Variants in TM6SF2 observed in about 807,000 individuals in gnomAD.
The protein encoded by TM6SF2 is transmembrane 6 superfamily member 2.
In TM6SF2, 29 loss-of-function variants were observed where a neutral mutation model predicts 41.0. The observed-to-expected ratio is 0.71, with a 90% CI of 0.53 to 0.96. The LOEUF (loss-of-function observed/expected upper bound fraction) is 0.96. Among genes scored for constraint, TM6SF2 ranks in the 50% least tolerant of loss-of-function variants. The pLI is 0.00. For missense variants in TM6SF2, 475 were observed against 499.0 expected (o/e 0.95, Z 0.46); for synonymous variants, 200 against 209.1 (o/e 0.96, Z 0.37).
At chr19:19,265,082 C>T (rs931318388) in intron 9 of TM6SF2, among the ~76,000 whole-genome samples, 8 of 144,416 alleles carry the variant, frequency 5.5e-5, no homozygotes, top group Admixed American at 1.4e-4. Flanking sequence ...CATTCTGTTG[C>T]CCATGCTGGA....
At chr19:19,266,042 T>A (rs910255917) in intron 9 of TM6SF2, among the ~76,000 whole-genome samples, 1 of 152,044 alleles carries the variant, frequency 6.6e-6, no homozygotes, top group African/African-American at 2.4e-5. Flanking sequence ...AAACGCCCCA[T>A]CACCCTCAGT....
At chr19:19,270,998 C>T (rs2061021867) in intron 2 of TM6SF2, 24 bp downstream of exon 2, 2 of 1,603,798 alleles carry the variant, frequency 1.2e-6, no homozygotes, top group South Asian at 2.2e-5. Flanking sequence ...CAGTCTTCTT[C>T]CCCACAGCTT....
intron 4 of TM6SF2, 80 bp from the exon 5 acceptor site, chr19:19,269,849 T>A: frequency 1.2e-6 from 2 of 1,603,826 alleles, no homozygotes; most frequent in South Asian, 2.2e-5. Context: ...GAGACCACCG[T>A]GGGTTTCCCA....
At chr19:19,272,032 C>T (rs1158887915) in intron 1 of TM6SF2, among the ~76,000 whole-genome samples, 1 of 152,174 alleles carries the variant, frequency 6.6e-6, no homozygotes, top group Non-Finnish European at 1.5e-5. Flanking sequence ...ATTAACTCCA[C>T]CCTACCCCTG....
intron 1 of TM6SF2, 60 bp downstream of exon 1, chr19:19,273,061 T>TAC: frequency 5.2e-5 from 16 of 305,444 alleles, no homozygotes; most frequent in East Asian, 8.6e-5. Flanking sequence ...CCTCCAGTCC[T>TAC]CCCCGCCCCC....
chr19:19,266,867 CCT>C (rs1178225126), intron 8 of TM6SF2, among the ~76,000 whole-genome samples: 1 of 152,230 alleles, frequency 6.6e-6, no homozygotes, highest in Non-Finnish European at 1.5e-5. Flanking sequence ...ATTCCAGCCC[CCT>C]GTCCATGATG....
In TM6SF2 at chr19:19,264,670, C is replaced by T. The variant is rs1356494411; in HGVS notation, c.1128G>A (p.Gln376=). The change falls in exon 10 of 10, where the codon CAG becomes CAA. Residue 376 remains glutamine (Q), a synonymous_variant. Transcript: ENST00000389363. ...TCCTGAGTCCACAGCTCTCTCAATG[C>T]TGCTTCTTGTGGAGGGCTAGGGGGT... The part of the protein sequence containing the change: ...PSDPLALHKK[Q]H 1 of 1,509,078 alleles carries T rather than the reference C, an allele frequency of 6.6e-7. No individual in the cohort carries two copies. The highest frequency in any genetic ancestry group is 8.9e-7 in the Non-Finnish European group (1 of 1,125,174). 93.5% of individuals were successfully genotyped at this position (1,509,078 alleles called of 1,614,324 possible).
chr19:19,266,865 C>A, intron 8 of TM6SF2: 1 of 420,840 alleles, frequency 2.4e-6, no homozygotes, highest in Admixed American at 3.7e-5. Context: ...GCATTCCAGC[C>A]CCCTGTCCAT....
At position 19,268,857 on chromosome 19, in the gene TM6SF2, G is replaced by A. The variant is rs2061012944; in HGVS notation, c.485-103C>T. ...AGAGTCTTGCTCTGTCACCCAGGCT[G>A]GAGTGCAGTGATGCAATCTTGGCTC... On this transcript the variant is annotated intron_variant, in intron 5 of 9. Coordinates refer to ENST00000389363, the MANE Select transcript of TM6SF2 (RefSeq NM_001001524.3). 5 of 1,389,414 alleles carry A rather than the reference G, an allele frequency of 3.6e-6. No individual in the cohort carries two copies. In the East Asian group the frequency reaches 1.2e-4, roughly 34 times the overall value. 86.1% of individuals were successfully genotyped at this position (1,389,414 alleles called of 1,614,324 possible).
Position 19,264,566 on chromosome 19 carries a change from G to T in TM6SF2, c.*98C>A. The T allele has an allele frequency of 9.3e-7, 1 of 1,072,584 alleles. No individual in the cohort carries two copies. Among genetic ancestry groups the T allele is most frequent in the Non-Finnish European group, 1.2e-6 (1 of 801,388 alleles). The allele number at this position is 1,072,584 out of a possible 1,614,324, so 66.4% of individuals were successfully genotyped here. A position where few individuals can be genotyped will look rare whatever the true frequency, so the allele number is the denominator to read the frequency against. ...ATAGCCAAGACTAAAGACACCCGGAGATGTCCCTCCTGTCTCTAAAACACC... is the reference window on the plus strand; with the variant it reads ...ATAGCCAAGACTAAAGACACCCGGATATGTCCCTCCTGTCTCTAAAACACC... On this transcript the variant is annotated 3_prime_UTR_variant, in exon 10 of 10. Transcript: ENST00000389363.
At chr19:19,268,394 T>G (rs1403683072) in intron 6 of TM6SF2, among the ~76,000 whole-genome samples, 1 of 151,818 alleles carries the variant, frequency 6.6e-6, no homozygotes, top group African/African-American at 2.4e-5. Flanking sequence ...TTTGTAGAGT[T>G]AAAAAATCTG....
intron 6 of TM6SF2, 105 bp from the exon 7 acceptor site, chr19:19,268,192 CT>C (rs969189680): frequency 2.3e-5 from 16 of 684,204 alleles, no homozygotes; most frequent in Non-Finnish European, 2.8e-5. Flanking sequence ...TTCTTTTTTT[CT>C]TTTTTTTCTT....
At chr19:19,270,895 TCCAGTCTGATGGGAGCTCTTAAAGGGCCC>T in intron 2 of TM6SF2, 98 bp downstream of exon 2, 1 of 774,044 alleles carries the variant, frequency 1.3e-6, no homozygotes, top group Non-Finnish European at 2.3e-6. Flanking sequence ...CTTTGAGGTC[TCCAGTCTGATGGGAGCTCTTAAAGGGCCC>T]CCAGTCTGAT....
chr19:19,268,002 G>C lies in TM6SF2; in HGVS notation c.695C>G (p.Thr232Ser). 1 of 1,614,002 alleles carries C rather than the reference G, an allele frequency of 6.2e-7. No homozygotes were observed. The highest frequency in any genetic ancestry group is 1.6e-4 in the Middle Eastern group (1 of 6,062). The change falls in exon 7 of 10, where the codon ACT (threonine) becomes AGT (serine). Residue 232 changes from threonine (T) to serine (S), a missense_variant. Thr to Ser is a moderately conservative substitution (Grantham distance 58). Around this residue, in one of 3 missense-constraint regions of TM6SF2, gnomAD observed 190 missense variants for 190.2 expected, o/e 1.00. Coordinates refer to ENST00000389363, the MANE Select transcript of TM6SF2 (RefSeq NM_001001524.3). ...CAGACTCACCAGGCCCCGGAACAGA[G>C]TGAAGAAGCCAGCAAGGATGAGATA... ...VIYLILAGFFTLFRGLVVLDC... is the reference protein window; with the variant it reads ...VIYLILAGFFSLFRGLVVLDC...
chr19:19,271,240 T>A (rs2061023180), intron 1 of TM6SF2, 115 bp from the exon 2 acceptor site: 3 of 794,846 alleles, frequency 3.8e-6, no homozygotes, highest in South Asian at 2.8e-5. Context: ...GAGACTAAAG[T>A]GTCTGTTCAT....
rs1239906278 is a variant in TM6SF2 at position 19,270,185 on chromosome 19, G to T, written c.389C>A (p.Ala130Asp). Residue 130 changes from alanine to aspartate, a missense_variant, in exon 4 of 10, where the codon GCC becomes GAC. By Grantham distance (126) the Ala-to-Asp change is moderately radical. Transcript: ENST00000389363. ...HYLLYLAMAG[A>D]ICRRKRYRNF... is the part of the protein sequence containing the mutation. ...CTGCCTCCTGCACCTTCTGCAGATG[G>T]CGCCGGCCATGGCCAGGTAGAGGAG... 1 of 1,613,860 alleles carries T rather than the reference G, an allele frequency of 6.2e-7. No homozygotes were observed. Among genetic ancestry groups the T allele is most frequent in the African/African-American group, 1.3e-5 (1 of 74,956 alleles).
In TM6SF2 at chr19:19,273,171, C is replaced by A; in HGVS notation, c.45G>T (p.Leu15=). The A allele has an allele frequency of 6.8e-7, 1 of 1,476,220 alleles. No homozygotes were observed. Among genetic ancestry groups the A allele is most frequent in the Admixed American group, 2.4e-5 (1 of 42,310 alleles). 91.4% of individuals were successfully genotyped at this position (1,476,220 alleles called of 1,614,324 possible). A position where few individuals can be genotyped will look rare whatever the true frequency, so the allele number is the denominator to read the frequency against. ...GCGCGTAGGACACCGGGAGGGCGCT[C>A]AGCGACAGCGCCGCGATCTTGCCGG... ...PLAGKIAALS[L]SALPVSYALN... is the part of the protein sequence containing the mutation. Residue 15 remains leucine, a synonymous_variant, in exon 1 of 10, where the codon CTG becomes CTT. Coordinates refer to ENST00000389363, the MANE Select transcript of TM6SF2 (RefSeq NM_001001524.3).
chr19:19,270,438 G>C lies in TM6SF2; in HGVS notation c.204C>G (p.Phe68Leu), dbSNP rs201350671. Residue 68 changes from phenylalanine to leucine, a missense_variant, in exon 3 of 10, where the codon TTC (phenylalanine) becomes TTG (leucine). Phe to Leu is a conservative substitution (Grantham distance 22, BLOSUM62 0). Coordinates refer to ENST00000389363, the MANE Select transcript of TM6SF2 (RefSeq NM_001001524.3). ...EVSYDPLYAV[F>L]AVFAFTSVVD... ...CAACCGAGGTGAAGGCGAAGACAGC[G>C]AAGACTGCAGTGAGTGGGCGGGCCG... The C allele has an allele frequency of 6.2e-7, 1 of 1,605,662 alleles. No individual in the cohort carries two copies. The highest frequency in any genetic ancestry group is 8.5e-7 in the Non-Finnish European group (1 of 1,176,416).
Position 19,264,540 on chromosome 19 carries a change from C to A in TM6SF2, c.*124G>T. The A allele has an allele frequency of 1.2e-6, 1 of 839,038 alleles. No individual in the cohort carries two copies. The highest frequency in any genetic ancestry group is 3.5e-5 in the South Asian group (1 of 28,572). The allele number at this position is 839,038 out of a possible 1,614,324, so 52.0% of individuals were successfully genotyped here. A position where few individuals can be genotyped will look rare whatever the true frequency, so the allele number is the denominator to read the frequency against. On this transcript the variant is annotated 3_prime_UTR_variant, in exon 10 of 10. Coordinates refer to ENST00000389363, the MANE Select transcript of TM6SF2 (RefSeq NM_001001524.3). ...ATCCCACCCACTGGACTGAAACTAC[C>A]ATAGCCAAGACTAAAGACACCCGGA...
Sources: gnomAD v4.1 joint callset for allele counts (sites outside exome capture counted in the v4.1 genomes callset) on GRCh38, gnomAD v4.1.1 for gene constraint, gnomAD v4.1.1 regional missense constraint, MANE v1.5 for transcripts, NCBI Gene and HGNC (gene_info 2026-07-23, HGNC 2026-07-21) for gene names.